ZNF596: variants seen among roughly 807,000 people sequenced by gnomAD.
ZNF596 encodes the protein zinc finger protein 596.
A neutral mutation model predicts 48.3 loss-of-function variants in ZNF596; 45 were observed. That is an observed-to-expected ratio of 0.93 (90% CI 0.73 to 1.19). The LOEUF is 1.19. Ranked by LOEUF, ZNF596 falls within the 50% of genes most tolerant of loss-of-function variation. The pLI is 0.00. For missense variants in ZNF596, 848 were observed against 599.7 expected (o/e 1.41, Z -4.32); for synonymous variants, 270 against 202.0 (o/e 1.34, Z -2.85).
rs1381034273 is a variant in ZNF596 at position 245,898 on chromosome 8, A to T, written c.1051A>T (p.Arg351Ter). ...GKAFSHCSHL[R>*]QHERSHNGEK... ...AGCCTTCTCTCATTGTTCTCACCTTAGACAACATGAGCGAAGTCACAATGG... is the reference window on the plus strand; with the variant it reads ...AGCCTTCTCTCATTGTTCTCACCTTTGACAACATGAGCGAAGTCACAATGG... Residue 351 changes from arginine to a stop codon, truncating the protein, a stop_gained, in exon 6 of 6, where the codon AGA becomes TGA. Coordinates refer to ENST00000398612, the MANE Select transcript of ZNF596 (RefSeq NM_001042416.3). LOFTEE classifies it high-confidence loss of function. 5 of 1,613,870 alleles carry T rather than the reference A, an allele frequency of 3.1e-6. No homozygotes were observed. Among genetic ancestry groups the T allele is most frequent in the Non-Finnish European group, 4.2e-6 (5 of 1,179,996 alleles).
In ZNF596 at chr8:245,557, A is replaced by T. The variant is rs1349358805; in HGVS notation, c.710A>T (p.Asp237Val). The change falls in exon 6 of 6, where the codon GAT becomes GTT. Residue 237 changes from aspartate (D) to valine (V), a missense_variant. Transcript: ENST00000398612. Reference protein sequence around the residue: ...LCGKAFTHCSDLRKHERTHTG... With the variant: ...LCGKAFTHCSVLRKHERTHTG... ...GGGAAAGCCTTTACTCATTGCTCTG[A>T]TCTTCGAAAACATGAGAGAACTCAC... 6.2e-7 allele frequency: 1 copy of T among 1,613,620 alleles called. No homozygotes were observed. Among genetic ancestry groups the T allele is most frequent in the Non-Finnish European group, 8.5e-7 (1 of 1,179,892 alleles).
At position 246,162 on chromosome 8, in the gene ZNF596, A is replaced by G. The variant is rs1326134653; in HGVS notation, c.1315A>G (p.Arg439Gly). ...NHSSVLRRHE[R>G]THTGEKPYEC... ...CTCTTCTGTCCTTAGACGACATGAG[A>G]GAACTCACACTGGAGAGAAACCATA... Residue 439 changes from arginine (R) to glycine (G), a missense_variant, in exon 6 of 6, where the codon AGA becomes GGA. By Grantham distance (125) the Arg-to-Gly change is moderately radical (BLOSUM62 -2). Coordinates refer to ENST00000398612, the MANE Select transcript of ZNF596 (RefSeq NM_001042416.3). The G allele has an allele frequency of 6.2e-7, 1 of 1,614,066 alleles. No individual in the cohort carries two copies. Among genetic ancestry groups the G allele is most frequent in the Non-Finnish European group, 8.5e-7 (1 of 1,180,028 alleles).
rs371207056 is a variant in ZNF596 at position 235,893 on chromosome 8, TA to T, written c.-73+3200del. 2.7e-4 allele frequency among the ~76,000 whole-genome samples: 41 copies of T among 152,296 alleles called. No individual in the cohort carries two copies. In the East Asian group the frequency reaches 3.7e-3, roughly 14 times the overall value. On this transcript the variant is annotated intron_variant, in intron 1 of 5. Coordinates refer to ENST00000398612, the MANE Select transcript of ZNF596 (RefSeq NM_001042416.3). ...TAGGTTACATGAAATTTGACAACTT[TA>T]TTTTTTTCTTTTCACAACTATTTTG... is the stretch of plus-strand genomic sequence containing the variant.
intron 1 of ZNF596, among the ~76,000 whole-genome samples, chr8:235,117 G>GGTA (rs1796570374): frequency 6.6e-6 from 1 of 152,132 alleles, no homozygotes; most frequent in Non-Finnish European, 1.5e-5. Context: ...GACAAATTAA[G>GGTA]GTAGCATTTC....
intron 2 of ZNF596, among the ~76,000 whole-genome samples, chr8:242,410 AC>A (rs1796888603): frequency 6.8e-6 from 1 of 147,324 alleles, no homozygotes. Flanking sequence ...ATCTCATTGG[AC>A]CTTTTTGAAC....
At chr8:235,885 G>C (rs1356432806) in intron 1 of ZNF596, among the ~76,000 whole-genome samples, 6 of 152,116 alleles carry the variant, frequency 3.9e-5, no homozygotes, top group Non-Finnish European at 5.9e-5. Flanking sequence ...CATGAAATTT[G>C]ACAACTTTAT....
intron 5 of ZNF596, 32 bp downstream of exon 5, chr8:244,733 C>T: frequency 4.5e-6 from 7 of 1,564,410 alleles, no homozygotes; most frequent in East Asian, 4.5e-5. Flanking sequence ...CCTGTTCTTA[C>T]ATATAGAAAC....
rs1332183557 is a variant in ZNF596, at chr8:242,906, A to C, written c.32A>C (p.Asp11Ala). MPSPDSMTFE[D>A]IIVDFTQEEW... ...TTTTAGGATTCCATGACCTTCGAGG[A>C]TATCATTGTAGACTTCACTCAAGAA... is the stretch of plus-strand genomic sequence containing the variant. Residue 11 changes from aspartate to alanine, a missense_variant, in exon 3 of 6, where the codon GAT becomes GCT. Coordinates refer to ENST00000398612, the MANE Select transcript of ZNF596 (RefSeq NM_001042416.3). 1 of 1,577,300 alleles carries C rather than the reference A, an allele frequency of 6.3e-7. No individual in the cohort carries two copies. Among genetic ancestry groups the C allele is most frequent in the African/African-American group, 1.4e-5 (1 of 73,798 alleles).
intron 3 of ZNF596, 166 bp from the exon 4 acceptor site, chr8:243,556 T>C: frequency 1.8e-6 from 1 of 557,274 alleles, no homozygotes; most frequent in Non-Finnish European, 3.1e-6. Flanking sequence ...GTTCAAGAGT[T>C]TTCATTTTGC....
At chr8:240,482 T>G in intron 1 of ZNF596, 1 of 185,990 alleles carries the variant, frequency 5.4e-6, no homozygotes, top group Non-Finnish European at 1.1e-5. Flanking sequence ...ATCTGAGAAA[T>G]TCCAGGATTT....
At chr8:244,576 C>A in intron 4 of ZNF596, 43 bp from the exon 5 acceptor site, 2 of 1,392,058 alleles carry the variant, frequency 1.4e-6, no homozygotes, top group Non-Finnish European at 2.0e-6. Context: ...ATTTTTATTC[C>A]CCTAATGCCT....
intron 2 of ZNF596, among the ~76,000 whole-genome samples, 158 bp downstream of exon 2, chr8:241,065 G>C (rs1400862720): frequency 6.6e-6 from 1 of 152,150 alleles, no homozygotes; most frequent in African/African-American, 2.4e-5. Flanking sequence ...GGCTCAAAGA[G>C]TCATCAAGAA....
intron 3 of ZNF596, chr8:243,511 A>G (rs1796936610): frequency 4.6e-6 from 2 of 434,756 alleles, no homozygotes; most frequent in Admixed American, 4.0e-5. Context: ...AGGCATGGCC[A>G]TCAGCAATTA....
At chr8:241,671 AT>A (rs1248268042) in intron 2 of ZNF596, among the ~76,000 whole-genome samples, 4 of 152,002 alleles carry the variant, frequency 2.6e-5, no homozygotes, top group Admixed American at 6.6e-5. Context: ...CAATCAAAGG[AT>A]TTTTTTTCCC....
intron 1 of ZNF596, among the ~76,000 whole-genome samples, chr8:236,893 T>C (rs77528219): frequency 4.6e-5 from 7 of 152,344 alleles, no homozygotes; most frequent in Non-Finnish European, 7.4e-5. Context: ...TACATTCATG[T>C]TCATTTTGAT....
chr8:237,624 T>G (rs1563063331), intron 1 of ZNF596: 2 of 152,242 alleles, frequency 1.3e-5, no homozygotes, highest in South Asian at 4.1e-4. Flanking sequence ...TTACTATTTA[T>G]GTATGTGTGA....
intron 1 of ZNF596, among the ~76,000 whole-genome samples, chr8:235,778 T>C (rs1038888525): frequency 6.6e-6 from 1 of 152,206 alleles, no homozygotes; most frequent in African/African-American, 2.4e-5. Context: ...TTGTATATGA[T>C]AAAATATTAT....
chr8:233,999 A>C (rs1048038736), intron 1 of ZNF596, among the ~76,000 whole-genome samples: 1 of 152,214 alleles, frequency 6.6e-6, no homozygotes, highest in Admixed American at 6.5e-5. Flanking sequence ...ACACACACAT[A>C]GTGACACAAG....
At position 243,678 on chromosome 8, in the gene ZNF596, T is replaced by G. The variant is rs762013296; in HGVS notation, c.140-44T>G. The G allele has an allele frequency of 1.1e-5, 17 of 1,596,940 alleles. No homozygotes were observed. In the Admixed American group the frequency reaches 2.8e-4, roughly 27 times the overall value. On this transcript the variant is annotated intron_variant, in intron 3 of 5. Transcript: ENST00000398612. ...TGTATCTGATAACCTTGTACATTTG[T>G]CAGCACAGAACTCAAAATCCATGTA...
Sources: gnomAD v4.1 joint callset for allele counts (sites outside exome capture counted in the v4.1 genomes callset) on GRCh38, gnomAD v4.1.1 for gene constraint, MANE v1.5 for transcripts, NCBI Gene and HGNC (gene_info 2026-07-23, HGNC 2026-07-21) for gene names.